The following GPC5 variants were observed in gnomAD, a reference collection of about 807,000 sequenced individuals.
GPC5 encodes glypican 5, also known as glypican-5.
Under a neutral mutation model 53.9 loss-of-function variants are expected in GPC5, and 47 were observed. The ratio of observed to expected loss-of-function variants is 0.87; its 90% CI spans 0.69 to 1.11. GPC5 has a LOEUF of 1.11. Among genes scored for constraint, GPC5 ranks in the 50% most tolerant of loss-of-function variants. The probability of loss-of-function intolerance (pLI) is 0.00; values close to 1 mark genes in which losing one functional copy is unlikely to be tolerated. For synonymous variants in GPC5, 286 were observed against 263.3 expected, an observed-to-expected ratio of 1.09 and a Z score of -0.84; for missense variants, 748 against 713.1, an observed-to-expected ratio of 1.05 and a Z score of -0.56.
At chr13:92,169,675 A>G (rs1458055398) in intron 7 of GPC5, among the ~76,000 whole-genome samples, 1 of 152,166 alleles carries the variant, frequency 6.6e-6, no homozygotes, top group African/African-American at 2.4e-5. Context: ...CGTACAATCC[A>G]GTGTCTATGG....
chr13:91,444,750 T>C (rs1880668146), intron 1 of GPC5, among the ~76,000 whole-genome samples: 1 of 152,296 alleles, frequency 6.6e-6, no homozygotes, highest in East Asian at 1.9e-4. Flanking sequence ...TGAACCTGTT[T>C]GATTGTTTAC....
At chr13:92,842,831 A>T (rs1175350267) in intron 7 of GPC5, among the ~76,000 whole-genome samples, 1 of 152,156 alleles carries the variant, frequency 6.6e-6, no homozygotes, top group African/African-American at 2.4e-5. Flanking sequence ...GATAAAAACA[A>T]TTGTCAAAAT....
chr13:92,855,131 G>A (rs147663479), intron 7 of GPC5, among the ~76,000 whole-genome samples: 1 of 151,980 alleles, frequency 6.6e-6, no homozygotes, highest in East Asian at 1.9e-4. Flanking sequence ...AACTCTACTG[G>A]TTCCAAACAC....
chr13:92,035,960 C>G (rs2040889818), intron 6 of GPC5, among the ~76,000 whole-genome samples: 1 of 152,110 alleles, frequency 6.6e-6, no homozygotes, highest in African/African-American at 2.4e-5. Flanking sequence ...TGTTCATTGA[C>G]AGTTGCATTA....
chr13:91,770,479 C>A (rs1262487576), intron 5 of GPC5, among the ~76,000 whole-genome samples: 1 of 152,080 alleles, frequency 6.6e-6, no homozygotes, highest in Non-Finnish European at 1.5e-5. Flanking sequence ...ATCCAAGAGG[C>A]CATCAGAAAT....
In GPC5 at chr13:92,818,074, G is replaced by A. The variant is rs150364169; in HGVS notation, c.1562-48208G>A. On this transcript the variant is annotated intron_variant, in intron 7 of 7. Transcript: ENST00000377067. Reference sequence around the variant, plus strand: ...GTCACCTAGGCTGGAGTGCAGTGGCGCGATCGCGGCTCACTGCAGCCTCTG... The same window carrying A: ...GTCACCTAGGCTGGAGTGCAGTGGCACGATCGCGGCTCACTGCAGCCTCTG... Among the ~76,000 whole-genome samples the A allele has an allele frequency of 1.4e-4, 21 of 149,856 alleles. No individual in the cohort carries two copies. The East Asian group carries it at 3.0e-3, about 21-fold the overall frequency.
At chr13:92,754,583 C>T (rs1252524276) in intron 7 of GPC5, among the ~76,000 whole-genome samples, 1 of 151,314 alleles carries the variant, frequency 6.6e-6, no homozygotes, top group Non-Finnish European at 1.5e-5. Flanking sequence ...TTCAGGAAAC[C>T]CATCTCACGT....
At chr13:92,145,052 T>C in intron 7 of GPC5, 63 bp downstream of exon 7, 2 of 1,211,018 alleles carry the variant, frequency 1.7e-6, no homozygotes, top group Non-Finnish European at 2.2e-6. Flanking sequence ...ATTAAAGATA[T>C]TGTTATGGAT....
At chr13:92,231,561 A>G (rs1468475251) in intron 7 of GPC5, among the ~76,000 whole-genome samples, 1 of 152,138 alleles carries the variant, frequency 6.6e-6, no homozygotes, top group Non-Finnish European at 1.5e-5. Flanking sequence ...AATTAAAACT[A>G]GTCGTCATCT....
chr13:92,430,538 G>A (rs1002395931), intron 7 of GPC5, among the ~76,000 whole-genome samples: 1 of 152,064 alleles, frequency 6.6e-6, no homozygotes, highest in Non-Finnish European at 1.5e-5. Flanking sequence ...AGCCAGGGTG[G>A]GAGTGGGCCA....
chr13:92,441,379 T>G (rs977432616), intron 7 of GPC5, among the ~76,000 whole-genome samples: 1 of 152,220 alleles, frequency 6.6e-6, no homozygotes, highest in African/African-American at 2.4e-5. Flanking sequence ...TTGTTTTGGT[T>G]GCAGTTGCTT....
At chr13:91,646,015 A>T (rs1427187368) in intron 2 of GPC5, among the ~76,000 whole-genome samples, 2 of 152,228 alleles carry the variant, frequency 1.3e-5, no homozygotes, top group Admixed American at 1.3e-4. Context: ...TCATTTCCTA[A>T]GGAAAAATAA....
chr13:91,456,761 A>G (rs1477179623), intron 2 of GPC5, among the ~76,000 whole-genome samples: 1 of 151,992 alleles, frequency 6.6e-6, no homozygotes, highest in African/African-American at 2.4e-5. Context: ...ATGCTGTAAA[A>G]AGTAAAATTC....
At chr13:92,037,685 A>G (rs928274166) in intron 6 of GPC5, among the ~76,000 whole-genome samples, 1 of 152,236 alleles carries the variant, frequency 6.6e-6, no homozygotes, top group African/African-American at 2.4e-5. Flanking sequence ...AAATGACTAC[A>G]TAAATCCCTG....
intron 5 of GPC5, among the ~76,000 whole-genome samples, chr13:91,766,771 A>ACTTATGTT (rs1292027444): frequency 6.6e-6 from 1 of 152,148 alleles, no homozygotes; most frequent in Non-Finnish European, 1.5e-5. Context: ...GAGGCAGGAA[A>ACTTATGTT]ATTGCTTGAA....
chr13:92,158,344 C>A (rs1011074820), intron 7 of GPC5, among the ~76,000 whole-genome samples: 15 of 151,742 alleles, frequency 9.9e-5, no homozygotes, highest in African/African-American at 3.6e-4. Context: ...TGGATTTATT[C>A]AACTGAAAAA....
intron 1 of GPC5, among the ~76,000 whole-genome samples, chr13:91,405,193 G>A (rs1019124387): frequency 6.6e-6 from 1 of 152,262 alleles, no homozygotes; most frequent in East Asian, 1.9e-4. Flanking sequence ...ATTACTATAC[G>A]TTAGGGTTTT....
rs569588845 is a variant in GPC5, at chr13:91,854,940, G to A, written c.1281-52997G>A. 1.1e-3 allele frequency among the ~76,000 whole-genome samples: 163 copies of A among 151,634 alleles called. 2 individuals are homozygous for A. The highest frequency in any genetic ancestry group is 3.8e-3 in the African/African-American group (158 of 41,464). On this transcript the variant is annotated intron_variant, in intron 5 of 7. Coordinates refer to ENST00000377067, the MANE Select transcript of GPC5 (RefSeq NM_004466.6). ...AGAATTCAGCACTTTCAAGTCACAC[G>A]ATTTTTTTTCTATTCTCTAAGATGT... is the stretch of plus-strand genomic sequence containing the variant.
intron 2 of GPC5, among the ~76,000 whole-genome samples, chr13:91,538,116 G>A (rs1223730553): frequency 3.3e-5 from 5 of 152,216 alleles, no homozygotes; most frequent in Admixed American, 3.3e-4. Context: ...TAAAGTATGA[G>A]CTGCATTTGT....
Sources: gnomAD v4.1 joint callset for allele counts (sites outside exome capture counted in the v4.1 genomes callset) on GRCh38, gnomAD v4.1.1 for gene constraint, MANE v1.5 for transcripts, NCBI Gene and HGNC (gene_info 2026-07-23, HGNC 2026-07-21) for gene names.